PPP1R12B: variants seen among roughly 807,000 people sequenced by gnomAD.
The protein encoded by PPP1R12B is protein phosphatase 1 regulatory subunit 12B, also known as myosin phosphatase target subunit 2.
Under a neutral mutation model 126.1 loss-of-function variants are expected in PPP1R12B, and 76 were observed. The observed-to-expected ratio is 0.60, with a 90% confidence interval of 0.50 to 0.73. The LOEUF (loss-of-function observed/expected upper bound fraction) is 0.73. Among genes scored for constraint, PPP1R12B ranks in the 30% least tolerant of loss-of-function variants. PPP1R12B has a pLI of 0.00. For missense variants in PPP1R12B, 1,052 were observed against 1,205.1 expected, an observed-to-expected ratio of 0.87 and a Z score of 1.88; for synonymous variants, 356 against 434.7, an observed-to-expected ratio of 0.82 and a Z score of 2.25.
chr1:202,351,839 C>T (rs955998611), intron 1 of PPP1R12B, among the ~76,000 whole-genome samples: 7 of 152,320 alleles, frequency 4.6e-5, no homozygotes, highest in East Asian at 1.9e-4. Flanking sequence ...CCTCCTACAA[C>T]GTCACAGTAG....
Position 202,580,504 on chromosome 1 carries a change from A to G in PPP1R12B, c.2893A>G (p.Arg965Gly). Residue 965 changes from arginine to glycine, a missense_variant, in exon 24 of 24, where the codon AGG becomes GGG. Physicochemically the swap from Arg to Gly is moderately radical, Grantham distance 125. Transcript: ENST00000608999. ...VLTELKSDNQ[R>G]LKDENGALIR... ...AACAGAACTGAAATCCGACAACCAGAGGCTGAAAGATGAAAATGGTGCCCT... is the reference window on the plus strand; with the variant it reads ...AACAGAACTGAAATCCGACAACCAGGGGCTGAAAGATGAAAATGGTGCCCT... 4 of 1,614,052 alleles carry G rather than the reference A, an allele frequency of 2.5e-6. No homozygotes were observed. In the South Asian group the frequency reaches 4.4e-5, roughly 18 times the overall value.
In PPP1R12B at chr1:202,422,651, A is replaced by G. The variant is rs1202291260; in HGVS notation, c.454A>G (p.Ile152Val). Residue 152 changes from isoleucine (I) to valine (V), a missense_variant, in exon 3 of 24, where the codon ATT becomes GTT. Physicochemically the swap from Ile to Val is conservative, Grantham distance 29 (BLOSUM62 3). Transcript: ENST00000608999. ...CATTAATCACGGAGCCAGTGTAGGT[A>G]TTGTCAATAGTGAAGGTGAAGTTCC... Reference protein sequence around the residue: ...YFINHGASVGIVNSEGEVPSD... With the variant: ...YFINHGASVGVVNSEGEVPSD... 7 of 1,613,718 alleles carry G rather than the reference A, an allele frequency of 4.3e-6. No homozygotes were observed. Among genetic ancestry groups the G allele is most frequent in the Middle Eastern group, 1.6e-4 (1 of 6,078 alleles).
At chr1:202,447,126 A>G (rs1367690614) in intron 12 of PPP1R12B, among the ~76,000 whole-genome samples, 1 of 152,236 alleles carries the variant, frequency 6.6e-6, no homozygotes, top group African/African-American at 2.4e-5. Flanking sequence ...GCTGCCCTCA[A>G]TGATATAGGG....
At chr1:202,524,002 C>T (rs1005648636) in intron 18 of PPP1R12B, among the ~76,000 whole-genome samples, 1 of 152,120 alleles carries the variant, frequency 6.6e-6, no homozygotes, top group Non-Finnish European at 1.5e-5. Context: ...TGTGAGCTAC[C>T]GTGCCCGGCC....
rs1175936544 is a variant in PPP1R12B, at chr1:202,584,084, T to G, written c.*3524T>G. On this transcript the variant is annotated 3_prime_UTR_variant, in exon 24 of 24. Coordinates refer to ENST00000608999, the MANE Select transcript of PPP1R12B (RefSeq NM_002481.4). ...ATCTCTAGCGAAAGGGTTATGCAAA[T>G]CTCAGGGTGTTGCCTCTAAAGAATC... is the stretch of plus-strand genomic sequence containing the variant. 1 of 152,122 alleles carries G rather than the reference T, an allele frequency of 6.6e-6. No individual in the cohort carries two copies. The highest frequency in any genetic ancestry group is 1.5e-5 in the Non-Finnish European group (1 of 68,040). 9.4% of individuals were successfully genotyped at this position (152,122 alleles called of 1,614,324 possible). A position where few individuals can be genotyped will look rare whatever the true frequency, so the allele number is the denominator to read the frequency against.
chr1:202,451,048 A>T (rs1336101935), intron 13 of PPP1R12B, among the ~76,000 whole-genome samples: 4 of 148,456 alleles, frequency 2.7e-5, no homozygotes, highest in Non-Finnish European at 6.0e-5. Context: ...AGTGTTTTAT[A>T]GTTTTCATTG....
intron 18 of PPP1R12B, among the ~76,000 whole-genome samples, chr1:202,530,942 CTT>C (rs1462546835): frequency 6.6e-6 from 1 of 152,232 alleles, no homozygotes; most frequent in African/African-American, 2.4e-5. Context: ...AAGGCTGACT[CTT>C]TACTCTAAAA....
intron 18 of PPP1R12B, among the ~76,000 whole-genome samples, chr1:202,554,084 ATCT>A (rs1686626566): frequency 6.6e-6 from 1 of 152,050 alleles, no homozygotes; most frequent in East Asian, 1.9e-4. Flanking sequence ...AAGAAACCCC[ATCT>A]TCTCTCTCCC....
chr1:202,439,469 C>A (rs1057017121), intron 10 of PPP1R12B: 1 of 1,463,722 alleles, frequency 6.8e-7, no homozygotes, highest in Non-Finnish European at 9.4e-7. Flanking sequence ...AGTGCCCCGG[C>A]AAGGGTGCCT....
At chr1:202,397,999 C>T (rs1057018824) in intron 1 of PPP1R12B, among the ~76,000 whole-genome samples, 9 of 152,320 alleles carry the variant, frequency 5.9e-5, no homozygotes, top group African/African-American at 2.2e-4. Context: ...GCAACCTCCA[C>T]CTCCTGGACT....
chr1:202,526,724 C>T (rs776991838), intron 18 of PPP1R12B, among the ~76,000 whole-genome samples: 3 of 152,004 alleles, frequency 2.0e-5, no homozygotes, highest in Admixed American at 6.6e-5. Context: ...TGGAAAGATA[C>T]GATGTGGAGA....
At position 202,524,518 on chromosome 1, in the gene PPP1R12B, CT is replaced by C. The variant is rs200991347; in HGVS notation, c.2490+27697del. Among the ~76,000 whole-genome samples, 1,073 of 152,282 alleles carry C rather than the reference CT, an allele frequency of 7.0e-3. 13 individuals are homozygous for C. Among genetic ancestry groups the C allele is most frequent in the African/African-American group, 0.025 (1,030 of 41,534 alleles). On this transcript the variant is annotated intron_variant, in intron 18 of 23. Transcript: ENST00000608999. ...GTGTAGTCTTTTATTCCTTACCCCC[CT>C]CTCACGCTTTCCCCTGAGTCCCCAA...
chr1:202,496,745 A>G (rs1679603237), intron 17 of PPP1R12B, 36 bp from the exon 18 acceptor site: 4 of 1,587,434 alleles, frequency 2.5e-6, no homozygotes, highest in Non-Finnish European at 3.5e-6. Context: ...GTCTGTGACA[A>G]TGAGCCTCTT....
intron 18 of PPP1R12B, among the ~76,000 whole-genome samples, chr1:202,522,382 T>C (rs1277503128): frequency 1.3e-5 from 2 of 152,184 alleles, no homozygotes; most frequent in East Asian, 3.9e-4. Context: ...ATGAATGTTA[T>C]AGACTTTTAA....
At chr1:202,362,803 G>T (rs1243044315) in intron 1 of PPP1R12B, among the ~76,000 whole-genome samples, 1 of 151,820 alleles carries the variant, frequency 6.6e-6, no homozygotes, top group Non-Finnish European at 1.5e-5. Flanking sequence ...TCTCTATAAT[G>T]CACTTCTGTA....
rs555776263 is a variant in PPP1R12B, at chr1:202,487,070, A to G, written c.1851-1463A>G. ...TAATAGTGAATATGTTTAAAAATCT[A>G]TATAAAAAGATGGTACATCTTGACC... On this transcript the variant is annotated intron_variant, in intron 13 of 23. Coordinates refer to ENST00000608999, the MANE Select transcript of PPP1R12B (RefSeq NM_002481.4). 1.7e-3 allele frequency among the ~76,000 whole-genome samples: 253 copies of G among 152,294 alleles called. 2 individuals are homozygous for G. Among genetic ancestry groups the G allele is most frequent in the Middle Eastern group, 3.4e-3 (1 of 294 alleles).
chr1:202,349,531 C>T (rs1327343585), intron 1 of PPP1R12B, among the ~76,000 whole-genome samples: 3 of 152,148 alleles, frequency 2.0e-5, no homozygotes, highest in Non-Finnish European at 2.9e-5. Flanking sequence ...TCAGAAAATT[C>T]AGTTGTTGTG....
At chr1:202,392,931 T>C (rs1193015336) in intron 1 of PPP1R12B, among the ~76,000 whole-genome samples, 3 of 152,132 alleles carry the variant, frequency 2.0e-5, no homozygotes, top group Non-Finnish European at 1.5e-5. Flanking sequence ...TTTGAAATTA[T>C]ATACTTTTAA....
intron 10 of PPP1R12B, chr1:202,439,700 G>T: frequency 1.6e-6 from 1 of 608,972 alleles, no homozygotes; most frequent in East Asian, 2.8e-5. Context: ...CAAGGACTGG[G>T]GGTTGTGCAG....
Sources: allele counts gnomAD v4.1 joint callset (sites outside exome capture counted in the v4.1 genomes callset), GRCh38; gene constraint gnomAD v4.1.1; transcripts MANE v1.5; gene names NCBI Gene and HGNC (gene_info 2026-07-23, HGNC 2026-07-21).